The following RAP1A variants were observed in gnomAD, a reference collection of about 807,000 sequenced individuals.
RAP1A encodes ras-related protein Rap-1A.
A neutral mutation model predicts 26.4 loss-of-function variants in RAP1A; 6 were observed. That is an observed-to-expected ratio of 0.23 (90% CI 0.12 to 0.45). The LOEUF is 0.45. RAP1A is among the 20% of genes least tolerant of loss of function. The pLI, the probability that RAP1A is intolerant of heterozygous loss-of-function variation, is 0.99. For synonymous variants in RAP1A, 73 were observed against 79.4 expected (o/e 0.92, Z 0.43); for missense variants, 121 against 217.2 (o/e 0.56, Z 2.78).
chr1:111,695,022 G>A (rs1269250570), intron 2 of RAP1A, among the ~76,000 whole-genome samples: 5 of 152,104 alleles, frequency 3.3e-5, no homozygotes, highest in Non-Finnish European at 5.9e-5. Context: ...GGCAATAGGA[G>A]TTTAAATATT....
At chr1:111,646,435 C>CA (rs922566972) in intron 1 of RAP1A, among the ~76,000 whole-genome samples, 1 of 132,450 alleles carries the variant, frequency 7.6e-6, no homozygotes, top group Non-Finnish European at 1.6e-5. Flanking sequence ...AAAAAAAAAA[C>CA]AAAACAAAAC....
intron 1 of RAP1A, among the ~76,000 whole-genome samples, chr1:111,611,162 C>G (rs1174022986): frequency 6.6e-6 from 1 of 152,148 alleles, no homozygotes; most frequent in Non-Finnish European, 1.5e-5. Flanking sequence ...CTAAGAAAAT[C>G]CCATTCTAGA....
intron 1 of RAP1A, among the ~76,000 whole-genome samples, chr1:111,641,826 A>G (rs369102929): frequency 6.6e-4 from 101 of 152,328 alleles, no homozygotes; most frequent in African/African-American, 2.2e-3. Context: ...TGGTAAGGCA[A>G]TATAGTATTG....
intron 1 of RAP1A, among the ~76,000 whole-genome samples, chr1:111,676,717 C>T (rs1212689114): frequency 1.3e-5 from 2 of 152,058 alleles, no homozygotes; most frequent in South Asian, 2.1e-4. Context: ...TAGCCATTAC[C>T]CCTGTGCCAC....
chr1:111,587,534 T>C (rs1211163850), intron 1 of RAP1A, among the ~76,000 whole-genome samples: 1 of 152,166 alleles, frequency 6.6e-6, no homozygotes, highest in Admixed American at 6.6e-5. Flanking sequence ...TCTCCTTTAC[T>C]CCAAGCTTCC....
intron 3 of RAP1A, among the ~76,000 whole-genome samples, chr1:111,696,419 C>T (rs775011204): frequency 2.2e-4 from 34 of 152,158 alleles, no homozygotes; most frequent in Non-Finnish European, 4.4e-4. Context: ...CTAGATACAT[C>T]AAGAAACTAT....
intron 1 of RAP1A, among the ~76,000 whole-genome samples, chr1:111,640,836 T>C (rs1373517600): frequency 1.3e-5 from 2 of 151,998 alleles, no homozygotes; most frequent in East Asian, 3.9e-4. Flanking sequence ...TGGTGGTGCA[T>C]ACCTATAATC....
At chr1:111,693,989 A>G (rs1661753915) in intron 2 of RAP1A, among the ~76,000 whole-genome samples, 1 of 151,736 alleles carries the variant, frequency 6.6e-6, no homozygotes, top group African/African-American at 2.4e-5. Flanking sequence ...CCTACACTTA[A>G]GCAATCCTCC....
intron 1 of RAP1A, among the ~76,000 whole-genome samples, chr1:111,672,230 A>G (rs540586862): frequency 6.6e-6 from 1 of 152,242 alleles, no homozygotes; most frequent in African/African-American, 2.4e-5. Flanking sequence ...TTTGCTTTGT[A>G]TGCTTTAATT....
intron 1 of RAP1A, among the ~76,000 whole-genome samples, chr1:111,679,601 C>T (rs1661233177): frequency 1.3e-5 from 2 of 152,212 alleles, no homozygotes; most frequent in South Asian, 4.1e-4. Context: ...AGCCAGGGAG[C>T]CAAGTGGTTT....
At chr1:111,593,008 A>G (rs7519525) in intron 1 of RAP1A, among the ~76,000 whole-genome samples, 5,093 of 152,142 alleles carry the variant, frequency 0.033, 174 homozygotes, top group East Asian at 0.083. Flanking sequence ...GGCTGCCCAG[A>G]GAGAGGGAGA....
intron 1 of RAP1A, among the ~76,000 whole-genome samples, chr1:111,661,516 A>G (rs1660635151): frequency 6.6e-6 from 1 of 152,166 alleles, no homozygotes; most frequent in Non-Finnish European, 1.5e-5. Flanking sequence ...TTTCCAATTT[A>G]GGGGCCGGGC....
chr1:111,684,417 CCTT>C (rs1402582479), intron 1 of RAP1A, among the ~76,000 whole-genome samples: 1 of 152,200 alleles, frequency 6.6e-6, no homozygotes, highest in Admixed American at 6.5e-5. Context: ...CCCAAAAACT[CCTT>C]AAGCTGATAA....
chr1:111,620,857 C>CT (rs1169048588), intron 1 of RAP1A, among the ~76,000 whole-genome samples: 1 of 152,100 alleles, frequency 6.6e-6, no homozygotes, highest in Non-Finnish European at 1.5e-5. Context: ...TAATTTACTG[C>CT]TACGGGGAGA....
At chr1:111,587,290 C>A (rs1454464570) in intron 1 of RAP1A, among the ~76,000 whole-genome samples, 1 of 152,098 alleles carries the variant, frequency 6.6e-6, no homozygotes, top group Admixed American at 6.5e-5. Context: ...TCCTTAAACC[C>A]TCAACACCTT....
At chr1:111,589,075 C>G (rs915065603) in intron 1 of RAP1A, among the ~76,000 whole-genome samples, 2 of 152,142 alleles carry the variant, frequency 1.3e-5, no homozygotes, top group African/African-American at 4.8e-5. Context: ...GTATCATCCC[C>G]TTAAATGTGT....
At chr1:111,608,103 AC>A (rs1658841237) in intron 1 of RAP1A, 1 of 163,142 alleles carries the variant, frequency 6.1e-6, no homozygotes, top group Admixed American at 6.5e-5. Flanking sequence ...CACTTCCCAG[AC>A]GGGGTGACTG....
At chr1:111,631,161 G>A (rs1659555987) in intron 1 of RAP1A, among the ~76,000 whole-genome samples, 1 of 152,172 alleles carries the variant, frequency 6.6e-6, no homozygotes, top group Non-Finnish European at 1.5e-5. Flanking sequence ...TTTGCAGATT[G>A]TTAAGGAAAT....
intron 1 of RAP1A, chr1:111,648,174 A>G: frequency 4.3e-6 from 1 of 230,352 alleles, no homozygotes; most frequent in Non-Finnish European, 8.3e-6. Context: ...AGGTTCAAAC[A>G]GTGTGTGTGT....
Sources: allele counts gnomAD v4.1 joint callset (sites outside exome capture counted in the v4.1 genomes callset), GRCh38; gene constraint gnomAD v4.1.1; transcripts MANE v1.5; gene names NCBI Gene and HGNC (gene_info 2026-07-23, HGNC 2026-07-21).